Variants in ABCC3 observed in about 807,000 individuals in gnomAD.
ABCC3 encodes ATP binding cassette subfamily C member 3, also known as ATP-binding cassette sub-family C member 3.
A neutral mutation model predicts 165.3 loss-of-function variants in ABCC3; 121 were observed. The observed-to-expected ratio is 0.73, with a 90% CI of 0.63 to 0.85. ABCC3 has a LOEUF of 0.85. ABCC3 is among the 40% of genes least tolerant of loss of function. The probability of loss-of-function intolerance (pLI) is 0.00; values close to 1 mark genes in which losing one functional copy is unlikely to be tolerated. For missense variants in ABCC3, 1,869 were observed against 1,964.1 expected (o/e 0.95, Z 0.92); for synonymous variants, 733 against 810.1 (o/e 0.90, Z 1.62).
chr17:50,634,911 C>T lies in ABCC3; in HGVS notation c.-26C>T, dbSNP rs1422648418. On this transcript the variant is annotated 5_prime_UTR_variant, in exon 1 of 31. Transcript: ENST00000285238. ...CGCCGCTGGGTCCGACCGCGCTCGC[C>T]TTCCTTGCAGCCGCGCCTCGGCCCC... 8.0e-7 allele frequency: 1 copy of T among 1,253,388 alleles called. No individual in the cohort carries two copies. Among genetic ancestry groups the T allele is most frequent in the South Asian group, 3.3e-5 (1 of 30,756 alleles). 77.6% of individuals were successfully genotyped at this position (1,253,388 alleles called of 1,614,324 possible).
Position 50,658,484 on chromosome 17 carries a change from G to C in ABCC3, c.662G>C (p.Trp221Ser). 6.2e-7 allele frequency: 1 copy of C among 1,614,096 alleles called. No homozygotes were observed. The highest frequency in any genetic ancestry group is 8.5e-7 in the Non-Finnish European group (1 of 1,179,940). The change falls in exon 6 of 31, where the codon TGG becomes TCG. Residue 221 changes from tryptophan (W) to serine (S), a missense_variant. Coordinates refer to ENST00000285238, the MANE Select transcript of ABCC3 (RefSeq NM_003786.4). ...GGCTTTCTCTCCCGCCTGTTTTTCT[G>C]GTGGTTCACAAAGTGAGTTGGCTCT... ...SAGFLSRLFF[W>S]WFTKMAIYGY...
intron 25 of ABCC3, 33 bp downstream of exon 25, chr17:50,678,252 C>A: frequency 4.6e-6 from 7 of 1,511,904 alleles, no homozygotes; most frequent in Non-Finnish European, 6.2e-6. Context: ...GGCAGGGCCA[C>A]CACTGGGACA....
chr17:50,681,741 A>G (rs1413155034), intron 26 of ABCC3, among the ~76,000 whole-genome samples: 1 of 152,066 alleles, frequency 6.6e-6, no homozygotes, highest in African/African-American at 2.4e-5. Context: ...TTCCAAATCC[A>G]GGGGACGCTT....
At chr17:50,641,566 G>T (rs979619753) in intron 1 of ABCC3, among the ~76,000 whole-genome samples, 1 of 152,216 alleles carries the variant, frequency 6.6e-6, no homozygotes, top group Admixed American at 6.5e-5. Flanking sequence ...GCTGCGGCTG[G>T]AGTTGGCACC....
At chr17:50,680,515 C>T (rs750262561) in intron 26 of ABCC3, among the ~76,000 whole-genome samples, 1 of 152,158 alleles carries the variant, frequency 6.6e-6, no homozygotes, top group South Asian at 2.1e-4. Flanking sequence ...CTATCCTGCT[C>T]GCTCTCATGC....
intron 7 of ABCC3, among the ~76,000 whole-genome samples, chr17:50,660,247 A>G (rs1967345848): frequency 6.6e-6 from 1 of 152,048 alleles, no homozygotes; most frequent in East Asian, 1.9e-4. Flanking sequence ...GGGTCTTCCC[A>G]CTGTCAGCCT....
chr17:50,634,924 G>C lies in ABCC3; in HGVS notation c.-13G>C. 1 of 1,254,372 alleles carries C rather than the reference G, an allele frequency of 8.0e-7. No homozygotes were observed. The highest frequency in any genetic ancestry group is 1.0e-6 in the Non-Finnish European group (1 of 997,988). The allele number at this position is 1,254,372 out of a possible 1,614,324, so 77.7% of individuals were successfully genotyped here. A position where few individuals can be genotyped will look rare whatever the true frequency, so the allele number is the denominator to read the frequency against. On this transcript the variant is annotated 5_prime_UTR_variant, in exon 1 of 31. Coordinates refer to ENST00000285238, the MANE Select transcript of ABCC3 (RefSeq NM_003786.4). ...GACCGCGCTCGCCTTCCTTGCAGCCGCGCCTCGGCCCCATGGACGCCCTGT... is the reference window on the plus strand; with the variant it reads ...GACCGCGCTCGCCTTCCTTGCAGCCCCGCCTCGGCCCCATGGACGCCCTGT...
intron 25 of ABCC3, 67 bp from the exon 26 acceptor site, chr17:50,679,731 C>A (rs755278166): frequency 8.0e-5 from 117 of 1,461,298 alleles, no homozygotes; most frequent in Non-Finnish European, 1.1e-4. Context: ...GGAGTCTGAA[C>A]TCCTCCCAAA....
chr17:50,658,095 A>AC lies in ABCC3; in HGVS notation c.504dup (p.Phe169LeufsTer37). 6 of 1,613,776 alleles carry AC rather than the reference A, an allele frequency of 3.7e-6. No homozygotes were observed. The highest frequency in any genetic ancestry group is 5.1e-6 in the Non-Finnish European group (6 of 1,179,902). ...TCTCCCACCCAGGGTGAGATCTCAG[A>AC]CCCCTTCCGCTTCACCACCTTCTAC... On this transcript the variant is annotated frameshift_variant, in exon 5 of 31. Coordinates refer to ENST00000285238, the MANE Select transcript of ABCC3 (RefSeq NM_003786.4). LOFTEE classifies it high-confidence loss of function.
At chr17:50,660,862 C>A in intron 7 of ABCC3, 61 bp from the exon 8 acceptor site, 1 of 1,495,702 alleles carries the variant, frequency 6.7e-7, no homozygotes, top group South Asian at 1.3e-5. Context: ...CAGCCTAGCC[C>A]TTGGCTTCCT....
chr17:50,666,424 T>C (rs1478741225), intron 11 of ABCC3, among the ~76,000 whole-genome samples: 1 of 151,924 alleles, frequency 6.6e-6, no homozygotes, highest in Non-Finnish European at 1.5e-5. Context: ...TGAGCCAAGA[T>C]CGCGCCATTG....
intron 1 of ABCC3, chr17:50,635,551 C>G (rs2054171886): frequency 1.4e-6 from 1 of 702,476 alleles, no homozygotes; most frequent in Non-Finnish European, 2.6e-6. Flanking sequence ...AGCAGGCCAT[C>G]CCCACCACTC....
chr17:50,658,198 T>G lies in ABCC3; in HGVS notation c.603T>G (p.Asn201Lys). ...REKPPFFSAK[N>K]VDPNPYPETS... ...AACCTCCATTTTTCTCCGCAAAGAA[T>G]GTCGACCCTGTGAGTTTCCCATGGA... Residue 201 changes from asparagine to lysine, a missense_variant, in exon 5 of 31, where the codon AAT becomes AAG. Physicochemically the swap from Asn to Lys is moderately conservative, Grantham distance 94. Transcript: ENST00000285238. 2 of 1,614,198 alleles carry G rather than the reference T, an allele frequency of 1.2e-6. No individual in the cohort carries two copies. The highest frequency in any genetic ancestry group is 1.7e-6 in the Non-Finnish European group (2 of 1,180,006).
intron 1 of ABCC3, chr17:50,635,196 C>T (rs1211783740): frequency 1.6e-6 from 1 of 625,686 alleles, no homozygotes; most frequent in Non-Finnish European, 2.8e-6. Flanking sequence ...CTGCCCTGCT[C>T]TGCCCTTCCC....
intron 14 of ABCC3, 122 bp downstream of exon 14, chr17:50,668,639 G>A: frequency 2.4e-6 from 2 of 841,548 alleles, no homozygotes; most frequent in Non-Finnish European, 1.9e-6. Flanking sequence ...CATCTGCTTC[G>A]ACTCTGACCT....
At chr17:50,659,118 G>A in intron 6 of ABCC3, 119 bp from the exon 7 acceptor site, 2 of 1,238,262 alleles carry the variant, frequency 1.6e-6, no homozygotes, top group South Asian at 1.4e-5. Flanking sequence ...TGGTCACAGT[G>A]CCCGAGGGAG....
At chr17:50,670,584 T>C (rs1335116416) in intron 17 of ABCC3, among the ~76,000 whole-genome samples, 2 of 152,090 alleles carry the variant, frequency 1.3e-5, no homozygotes, top group Admixed American at 6.5e-5. Flanking sequence ...ATAAGTAAGA[T>C]AAATAAGTAC....
intron 1 of ABCC3, among the ~76,000 whole-genome samples, chr17:50,646,903 G>T (rs558245272): frequency 6.6e-6 from 1 of 151,942 alleles, no homozygotes; most frequent in Non-Finnish European, 1.5e-5. Flanking sequence ...TTTTTGAGAC[G>T]GAGTCTCCCT....
At chr17:50,668,353 T>A in intron 13 of ABCC3, 77 bp from the exon 14 acceptor site, 1 of 1,310,294 alleles carries the variant, frequency 7.6e-7, no homozygotes, top group East Asian at 2.3e-5. Context: ...TAGCCCAGGA[T>A]GCTGGGGATG....
Sources: allele counts gnomAD v4.1 joint callset (sites outside exome capture counted in the v4.1 genomes callset), GRCh38; gene constraint gnomAD v4.1.1; transcripts MANE v1.5; gene names NCBI Gene and HGNC (gene_info 2026-07-23, HGNC 2026-07-21).